PGM2L1: variants seen among roughly 807,000 people sequenced by gnomAD.
PGM2L1 encodes phosphoglucomutase 2 like 1.
PGM2L1 carries 35 observed loss-of-function variants against 73.4 expected under a neutral mutation model. The ratio of observed to expected loss-of-function variants is 0.48; its 90% CI spans 0.36 to 0.63. The LOEUF is 0.63. PGM2L1 is among the 30% of genes least tolerant of loss of function. PGM2L1 has a pLI of 0.00. For missense variants in PGM2L1, 570 were observed against 742.0 expected (o/e 0.77, Z 2.69); for synonymous variants, 225 against 253.8 (o/e 0.89, Z 1.08).
intron 5 of PGM2L1, among the ~76,000 whole-genome samples, chr11:74,364,982 A>G (rs1403358837): frequency 1.3e-5 from 2 of 152,138 alleles, no homozygotes; most frequent in Non-Finnish European, 1.5e-5. Flanking sequence ...AGGCTACAGT[A>G]ACCAAAACAG....
At chr11:74,373,754 G>A (rs1862811168) in intron 2 of PGM2L1, among the ~76,000 whole-genome samples, 1 of 152,152 alleles carries the variant, frequency 6.6e-6, no homozygotes, top group Admixed American at 6.5e-5. Context: ...ATGCCAAAAT[G>A]AGTAATTATT....
chr11:74,363,040 C>G (rs537218492), intron 5 of PGM2L1, among the ~76,000 whole-genome samples: 1 of 152,278 alleles, frequency 6.6e-6, no homozygotes, highest in Non-Finnish European at 1.5e-5. Flanking sequence ...CAAACTGTCT[C>G]TCAGACCACA....
chr11:74,371,054 A>C (rs1005915482), intron 3 of PGM2L1, 68 bp from the exon 4 acceptor site: 1 of 1,139,292 alleles, frequency 8.8e-7, no homozygotes, highest in African/African-American at 1.6e-5. Flanking sequence ...CTTCCACATA[A>C]ATGTTTCATA....
chr11:74,359,851 GT>G (rs1231921471), intron 5 of PGM2L1, among the ~76,000 whole-genome samples: 2 of 152,118 alleles, frequency 1.3e-5, no homozygotes, highest in African/African-American at 4.8e-5. Flanking sequence ...ACTTTCTACT[GT>G]TTCACTTTTT....
At chr11:74,386,984 T>C (rs1055829558) in intron 1 of PGM2L1, among the ~76,000 whole-genome samples, 2 of 152,222 alleles carry the variant, frequency 1.3e-5, no homozygotes, top group African/African-American at 4.8e-5. Flanking sequence ...GCAAAATATA[T>C]GATTTAACGA....
At position 74,377,317 on chromosome 11, in the gene PGM2L1, T is replaced by G. The variant is rs1471858852; in HGVS notation, c.112-2735A>C. Among the ~76,000 whole-genome samples the G allele has an allele frequency of 8.7e-4, 133 of 152,188 alleles. 1 individual carries two copies. The highest frequency in any genetic ancestry group is 4.1e-4 in the South Asian group (2 of 4,828). On this transcript the variant is annotated intron_variant, in intron 1 of 13. Transcript: ENST00000298198. The stretch of plus-strand genomic sequence containing the variant: ...CCCAGCTAATTTTTTGTACTTTTAG[T>G]AGAGACGAGGTTTCACCGTGTTAGC...
chr11:74,366,484 C>T (rs1245227966), intron 5 of PGM2L1, among the ~76,000 whole-genome samples: 1 of 149,046 alleles, frequency 6.7e-6, no homozygotes, highest in Non-Finnish European at 1.5e-5. Flanking sequence ...GAAGAAGCAG[C>T]GATAAGTTCT....
chr11:74,398,220 G>T lies in PGM2L1; in HGVS notation c.-59C>A. ...CGAAGACACTGAGTTGGGGTGGGGGGTGGCTTGGGGTTCGCTCACCAGGGT... is the reference window on the plus strand; with the variant it reads ...CGAAGACACTGAGTTGGGGTGGGGGTTGGCTTGGGGTTCGCTCACCAGGGT... On this transcript the variant is annotated 5_prime_UTR_variant, in exon 1 of 14. Transcript: ENST00000298198. The T allele has an allele frequency of 1.3e-6, 2 of 1,547,298 alleles. No homozygotes were observed. Among genetic ancestry groups the T allele is most frequent in the Non-Finnish European group, 8.7e-7 (1 of 1,146,032 alleles).
chr11:74,373,033 A>G (rs1210898714), intron 2 of PGM2L1, among the ~76,000 whole-genome samples: 1 of 151,820 alleles, frequency 6.6e-6, no homozygotes. Flanking sequence ...ATTAAAAAAA[A>G]TGACCAAAAC....
At chr11:74,373,544 T>A (rs1208921746) in intron 2 of PGM2L1, among the ~76,000 whole-genome samples, 2 of 152,332 alleles carry the variant, frequency 1.3e-5, no homozygotes, top group East Asian at 1.9e-4. Flanking sequence ...TGAAACAGGA[T>A]GATTCACTGC....
intron 8 of PGM2L1, among the ~76,000 whole-genome samples, chr11:74,346,270 C>CAAAAAAAAAAAAAAAAAAAAAAAAAAAA (rs751742460): frequency 1.7e-5 from 1 of 57,880 alleles, no homozygotes; most frequent in Non-Finnish European, 3.0e-5. Context: ...ACTATGTCTC[C>CAAAAAAAAAAAAAAAAAAAAAAAAAAAA]AAAAAAAAAA....
chr11:74,338,684 C>A, intron 12 of PGM2L1, 83 bp from the exon 13 acceptor site: 1 of 1,452,928 alleles, frequency 6.9e-7, no homozygotes, highest in South Asian at 1.4e-5. Flanking sequence ...AAAATATAGT[C>A]CACTTATATG....
chr11:74,356,479 T>C (rs1862457879), intron 5 of PGM2L1, among the ~76,000 whole-genome samples: 1 of 152,182 alleles, frequency 6.6e-6, no homozygotes, highest in South Asian at 2.1e-4. Context: ...CTTGAAAGAA[T>C]AGAAAGACAC....
At chr11:74,344,565 C>G (rs566499004) in intron 9 of PGM2L1, among the ~76,000 whole-genome samples, 138 of 152,270 alleles carry the variant, frequency 9.1e-4, no homozygotes, top group Non-Finnish European at 1.6e-3. Flanking sequence ...CCTAATTCAC[C>G]TTTCTACCTC....
At chr11:74,378,246 G>A (rs1426271496) in intron 1 of PGM2L1, among the ~76,000 whole-genome samples, 1 of 151,944 alleles carries the variant, frequency 6.6e-6, no homozygotes, top group Non-Finnish European at 1.5e-5. Flanking sequence ...AGGTTTTAGT[G>A]AGCCGAGATT....
At chr11:74,389,714 T>A (rs1432568447) in intron 1 of PGM2L1, among the ~76,000 whole-genome samples, 1 of 151,010 alleles carries the variant, frequency 6.6e-6, no homozygotes. Flanking sequence ...CCTCCCAAAG[T>A]GCTAGGATTA....
chr11:74,393,710 C>G (rs1345687727), intron 1 of PGM2L1, among the ~76,000 whole-genome samples: 1 of 152,184 alleles, frequency 6.6e-6, no homozygotes, highest in Non-Finnish European at 1.5e-5. Context: ...CCAATTCCTG[C>G]CTCCACATCG....
chr11:74,348,108 G>A (rs1032615142), intron 6 of PGM2L1, among the ~76,000 whole-genome samples: 27 of 151,898 alleles, frequency 1.8e-4, no homozygotes, highest in African/African-American at 6.0e-4. Flanking sequence ...TGATAATAAC[G>A]AGGAGGTGTT....
chr11:74,341,675 G>A lies in PGM2L1; in HGVS notation c.1632+786C>T, dbSNP rs1487489166. ...CCACTGCACTCCAGCCTGGTAGACAGAGCGAGACACTGTCTCAAGGAAAAA... is the reference window on the plus strand; with the variant it reads ...CCACTGCACTCCAGCCTGGTAGACAAAGCGAGACACTGTCTCAAGGAAAAA... On this transcript the variant is annotated intron_variant, in intron 12 of 13. Transcript: ENST00000298198. Among the ~76,000 whole-genome samples, 5 of 126,392 alleles carry A rather than the reference G, an allele frequency of 4.0e-5. No homozygotes were observed. The South Asian group carries it at 7.6e-4, about 19-fold the overall frequency. 82.9% of individuals were successfully genotyped at this position (126,392 alleles called of 152,430 possible).
Sources: allele counts gnomAD v4.1 joint callset (sites outside exome capture counted in the v4.1 genomes callset), GRCh38; gene constraint gnomAD v4.1.1; transcripts MANE v1.5; gene names NCBI Gene and HGNC (gene_info 2026-07-23, HGNC 2026-07-21).